The following SAMM50 variants were observed in gnomAD, a reference collection of about 807,000 sequenced individuals.
The protein encoded by SAMM50 is sorting and assembly machinery component 50 homolog.
Under a neutral mutation model 66.9 loss-of-function variants are expected in SAMM50, and 47 were observed. The ratio of observed to expected loss-of-function variants is 0.70; its 90% CI spans 0.56 to 0.90. The LOEUF is 0.90. Among genes scored for constraint, SAMM50 ranks in the 40% least tolerant of loss-of-function variants. The probability of loss-of-function intolerance (pLI) is 0.00; values close to 1 mark genes in which losing one functional copy is unlikely to be tolerated. For synonymous variants in SAMM50, 191 were observed against 214.1 expected (o/e 0.89, Z 0.94); for missense variants, 535 against 595.3 (o/e 0.90, Z 1.05).
At position 43,972,256 on chromosome 22, in the gene SAMM50, G is replaced by C; in HGVS notation, c.343G>C (p.Gly115Arg). ...TCQGDDALPN[G>R]LDVTFEVTEL... is the part of the protein sequence containing the mutation. ...TTTAGGTGATGACGCACTTCCAAAT[G>C]GGTTAGACGTTACCTTTGAAGTAAC... The change falls in exon 5 of 15, where the codon GGG becomes CGG. Residue 115 changes from glycine (G) to arginine (R), a missense_variant. By Grantham distance (125) the Gly-to-Arg change is moderately radical. Coordinates refer to ENST00000350028, the MANE Select transcript of SAMM50 (RefSeq NM_015380.5). 1 of 1,589,494 alleles carries C rather than the reference G, an allele frequency of 6.3e-7. No homozygotes were observed. The highest frequency in any genetic ancestry group is 1.2e-5 in the South Asian group (1 of 85,688).
chr22:43,962,718 G>A (rs775806702), intron 1 of SAMM50, among the ~76,000 whole-genome samples: 114 of 152,040 alleles, frequency 7.5e-4, no homozygotes, highest in Admixed American at 3.9e-4. Context: ...AACAACAGGA[G>A]AGCAAATTAT....
intron 10 of SAMM50, among the ~76,000 whole-genome samples, chr22:43,980,133 C>T (rs1443788744): frequency 3.3e-5 from 3 of 91,148 alleles, no homozygotes; most frequent in Non-Finnish European, 6.4e-5. Context: ...CCTACCCACC[C>T]ACACATCCAT....
At position 43,976,778 on chromosome 22, in the gene SAMM50, C is replaced by G; in HGVS notation, c.806C>G (p.Ser269Cys). The G allele has an allele frequency of 6.2e-7, 1 of 1,612,886 alleles. No individual in the cohort carries two copies. Among genetic ancestry groups the G allele is most frequent in the Non-Finnish European group, 8.5e-7 (1 of 1,179,278 alleles). The change falls in exon 9 of 15, where the codon TCT (serine) becomes TGT (cysteine). Residue 269 changes from serine (S) to cysteine (C), a missense_variant. Ser to Cys is a moderately radical substitution (Grantham distance 112). Transcript: ENST00000350028. ...SHAMVIDSRN[S>C]SILPRRGALL... ...GCCATGGTCATCGATTCTCGGAATTCTTCCATCTTACCAAGGAGAGGTGCT... is the reference window on the plus strand; with the variant it reads ...GCCATGGTCATCGATTCTCGGAATTGTTCCATCTTACCAAGGAGAGGTGCT...
At chr22:43,956,903 T>C (rs922900094) in intron 1 of SAMM50, 12 of 458,032 alleles carry the variant, frequency 2.6e-5, no homozygotes, top group Admixed American at 1.6e-4. Flanking sequence ...GTAAAATCAA[T>C]GGGGATGCAA....
rs755487664 is a variant in SAMM50, at chr22:43,989,132, C to T, written c.1097C>T (p.Ala366Val). ...QSEGDYLGGE[A>V]YWAGGLHLYT... The stretch of plus-strand genomic sequence containing the variant: ...TTAGGAGACTACCTAGGTGGAGAAG[C>T]GTACTGGGCCGGCGGCCTGCACCTC... The change falls in exon 13 of 15, where the codon GCG (alanine) becomes GTG (valine). Residue 366 changes from alanine (A) to valine (V), a missense_variant. Coordinates refer to ENST00000350028, the MANE Select transcript of SAMM50 (RefSeq NM_015380.5). The T allele has an allele frequency of 2.0e-5, 33 of 1,613,714 alleles. No homozygotes were observed. The South Asian group carries it at 2.5e-4, about 12-fold the overall frequency.
intron 9 of SAMM50, among the ~76,000 whole-genome samples, 193 bp downstream of exon 9, chr22:43,977,014 C>T (rs1236437302): frequency 6.6e-6 from 1 of 152,224 alleles, no homozygotes; most frequent in African/African-American, 2.4e-5. Flanking sequence ...CTACCCCCTG[C>T]AGTTCAGTCT....
chr22:43,989,302 T>C (rs762688878), intron 13 of SAMM50, 45 bp downstream of exon 13: 2 of 1,602,432 alleles, frequency 1.2e-6, no homozygotes, highest in East Asian at 4.5e-5. Flanking sequence ...ACAGTTGTTT[T>C]CATGTTTAAA....
chr22:43,962,796 G>A (rs1015894900), intron 1 of SAMM50, among the ~76,000 whole-genome samples: 2 of 150,342 alleles, frequency 1.3e-5, no homozygotes, highest in African/African-American at 2.4e-5. Flanking sequence ...AATTTCCATC[G>A]GGCCTCAGAT....
chr22:43,957,588 A>C (rs2050126495), intron 1 of SAMM50, among the ~76,000 whole-genome samples: 1 of 152,042 alleles, frequency 6.6e-6, no homozygotes. Flanking sequence ...ACACCCAGCC[A>C]ATTTTTGTAT....
At chr22:43,964,407 G>C in intron 2 of SAMM50, 45 bp from the exon 3 acceptor site, 1 of 979,674 alleles carries the variant, frequency 1.0e-6, no homozygotes, top group Non-Finnish European at 1.6e-6. Flanking sequence ...CACCTAATCT[G>C]TTTGCCTCAT....
intron 1 of SAMM50, among the ~76,000 whole-genome samples, chr22:43,958,421 G>T (rs182568716): frequency 6.6e-6 from 1 of 150,938 alleles, no homozygotes; most frequent in Non-Finnish European, 1.5e-5. Context: ...TATGTGCCTA[G>T]CACTGTGATA....
intron 14 of SAMM50, among the ~76,000 whole-genome samples, chr22:43,993,001 C>G (rs1288847926): frequency 6.6e-6 from 1 of 152,268 alleles, no homozygotes; most frequent in African/African-American, 2.4e-5. Flanking sequence ...CTTCAGCAGA[C>G]CAGGCTGGTT....
chr22:43,989,692 GA>G (rs1231876585), intron 13 of SAMM50, among the ~76,000 whole-genome samples: 2 of 152,120 alleles, frequency 1.3e-5, no homozygotes, highest in Admixed American at 6.5e-5. Context: ...TGCCTTACTT[GA>G]AAAAAATTCT....
rs2050113936 is a variant in SAMM50, at chr22:43,955,500, G to T, written c.-78G>T. On this transcript the variant is annotated 5_prime_UTR_variant, in exon 1 of 15. Transcript: ENST00000350028. The stretch of plus-strand genomic sequence containing the variant: ...CTTGACCTGCAGCTCCGCCACCGCG[G>T]ACCCGCCTTCTGCCCTCAGCAGCAG... 1.3e-6 allele frequency: 2 copies of T among 1,527,164 alleles called. No homozygotes were observed. The highest frequency in any genetic ancestry group is 3.9e-5 in the Admixed American group (2 of 51,738). 94.6% of individuals were successfully genotyped at this position (1,527,164 alleles called of 1,614,324 possible).
In SAMM50 at chr22:43,977,866, C is replaced by G. The variant is rs770398475; in HGVS notation, c.850-6C>G. 21 of 1,611,676 alleles carry G rather than the reference C, an allele frequency of 1.3e-5. No individual in the cohort carries two copies. The highest frequency in any genetic ancestry group is 1.7e-4 in the Middle Eastern group (1 of 6,050). On this transcript the variant is annotated splice_region_variant and splice_polypyrimidine_tract_variant and intron_variant, in intron 9 of 14. Transcript: ENST00000350028. ...TCCCTTTGACCTGAGTGCTCCTTCC[C>G]TGCAGGAACTGGCAGGCTACACTGG... is the stretch of plus-strand genomic sequence containing the variant.
chr22:43,959,983 G>C (rs2050139944), intron 1 of SAMM50, among the ~76,000 whole-genome samples: 1 of 152,184 alleles, frequency 6.6e-6, no homozygotes, highest in Non-Finnish European at 1.5e-5. Flanking sequence ...ATCTCTTGAA[G>C]TCTGGATTTT....
chr22:43,994,248 G>A (rs764051731), intron 14 of SAMM50, among the ~76,000 whole-genome samples: 19 of 152,188 alleles, frequency 1.2e-4, no homozygotes, highest in Admixed American at 5.9e-4. Flanking sequence ...GGGCAGAACC[G>A]CGTCCTACAG....
At chr22:43,966,558 C>T (rs1006536335) in intron 3 of SAMM50, among the ~76,000 whole-genome samples, 9 of 152,000 alleles carry the variant, frequency 5.9e-5, no homozygotes, top group Non-Finnish European at 1.5e-5. Context: ...GGGGTTTCAC[C>T]ATGGCCAGGC....
rs71313377 is a variant in SAMM50 at position 43,978,432 on chromosome 22, CAAAAAA to C, written c.936+490_936+495del. Among the ~76,000 whole-genome samples, 5 of 69,122 alleles carry C rather than the reference CAAAAAA, an allele frequency of 7.2e-5. No individual in the cohort carries two copies. The South Asian group carries it at 2.4e-3, about 33-fold the overall frequency. The allele number at this position is 69,122 out of a possible 152,430, so 45.3% of individuals were successfully genotyped here. A position where few individuals can be genotyped will look rare whatever the true frequency, so the allele number is the denominator to read the frequency against. On this transcript the variant is annotated intron_variant, in intron 10 of 14. Coordinates refer to ENST00000350028, the MANE Select transcript of SAMM50 (RefSeq NM_015380.5). ...CCTGGGTGACAGAGAGACTCCTTCT[CAAAAAA>C]AAAAAAAAAAAAAAAGTAACCTCTG...
Sources: allele counts gnomAD v4.1 joint callset (sites outside exome capture counted in the v4.1 genomes callset), GRCh38; gene constraint gnomAD v4.1.1; transcripts MANE v1.5; gene names NCBI Gene and HGNC (gene_info 2026-07-23, HGNC 2026-07-21).